DENND1B: variants seen among roughly 807,000 people sequenced by gnomAD.
The protein encoded by DENND1B is DENN domain-containing protein 1B.
DENND1B carries 59 observed loss-of-function variants against 90.1 expected under a neutral mutation model. That is an observed-to-expected ratio of 0.65 (90% CI 0.53 to 0.81). The LOEUF is 0.81. DENND1B is among the 40% of genes least tolerant of loss of function. DENND1B has a pLI of 0.00. For synonymous variants in DENND1B, 337 were observed against 324.6 expected (o/e 1.04, Z -0.41); for missense variants, 862 against 912.6 (o/e 0.94, Z 0.71).
At position 197,560,453 on chromosome 1, in the gene DENND1B, A is replaced by C. The variant is rs11802964; in HGVS notation, c.1150-7341T>G. ...GTTAGAGAATAAGATAGACTTCCTA[A>C]GGGAAGTTAGGAAATCTAGGGCAAG... On this transcript the variant is annotated intron_variant, in intron 15 of 22. Coordinates refer to ENST00000620048, the MANE Select transcript of DENND1B (RefSeq NM_001195215.2). Among the ~76,000 whole-genome samples the C allele has an allele frequency of 5.9e-3, 897 of 152,016 alleles. 13 individuals carry two copies. Among genetic ancestry groups the C allele is most frequent in the African/African-American group, 0.02 (840 of 41,524 alleles).
At chr1:197,709,918 G>A (rs1282517492) in intron 3 of DENND1B, among the ~76,000 whole-genome samples, 1 of 104,906 alleles carries the variant, frequency 9.5e-6, no homozygotes, top group African/African-American at 4.2e-5. Context: ...AAAAAGGCAG[G>A]GGTTGCAATC....
intron 16 of DENND1B, 100 bp downstream of exon 16, chr1:197,552,922 T>C: frequency 6.6e-7 from 1 of 1,524,742 alleles, no homozygotes. Context: ...TAGGAGGAAA[T>C]CATTAGTTGT....
chr1:197,541,634 G>C (rs547602628), intron 18 of DENND1B, among the ~76,000 whole-genome samples: 59 of 152,256 alleles, frequency 3.9e-4, no homozygotes, highest in African/African-American at 1.4e-3. Flanking sequence ...AAGACAACTG[G>C]GGGCTTTCAC....
At chr1:197,579,826 A>G (rs764426897) in intron 15 of DENND1B, among the ~76,000 whole-genome samples, 3 of 152,136 alleles carry the variant, frequency 2.0e-5, no homozygotes, top group Non-Finnish European at 4.4e-5. Flanking sequence ...TTTAATTTCA[A>G]TTATTACATG....
intron 2 of DENND1B, among the ~76,000 whole-genome samples, chr1:197,723,498 T>G (rs142393015): frequency 3.2e-4 from 48 of 152,310 alleles, no homozygotes; most frequent in African/African-American, 1.2e-3. Context: ...ATGTTCAATC[T>G]TGATTAATCT....
intron 7 of DENND1B, among the ~76,000 whole-genome samples, chr1:197,651,262 GAAGA>G (rs1472023333): frequency 6.6e-6 from 1 of 151,878 alleles, no homozygotes; most frequent in African/African-American, 2.4e-5. Context: ...CCAAAACCAT[GAAGA>G]AATTAATAAA....
intron 20 of DENND1B, among the ~76,000 whole-genome samples, chr1:197,538,033 GA>G (rs888733582): frequency 6.6e-6 from 1 of 151,986 alleles, no homozygotes; most frequent in Non-Finnish European, 1.5e-5. Context: ...AACTTGTAAT[GA>G]AAAATAAATT....
chr1:197,750,462 A>G (rs1281840825), intron 2 of DENND1B, among the ~76,000 whole-genome samples: 2 of 152,174 alleles, frequency 1.3e-5, no homozygotes, highest in Admixed American at 6.5e-5. Context: ...CATAAAACAA[A>G]TAAGATAATG....
chr1:197,733,064 G>A (rs775566496), intron 2 of DENND1B, among the ~76,000 whole-genome samples: 5 of 151,922 alleles, frequency 3.3e-5, no homozygotes, highest in Non-Finnish European at 7.4e-5. Flanking sequence ...CAAGGAAATT[G>A]GGGAAAAAAA....
At chr1:197,570,838 AATTT>A (rs1194024569) in intron 15 of DENND1B, among the ~76,000 whole-genome samples, 2 of 152,144 alleles carry the variant, frequency 1.3e-5, no homozygotes, top group Admixed American at 6.5e-5. Context: ...ATTTGACTGA[AATTT>A]ATTTAGCACC....
At chr1:197,536,083 G>C (rs1244168764) in intron 20 of DENND1B, among the ~76,000 whole-genome samples, 1 of 150,478 alleles carries the variant, frequency 6.6e-6, no homozygotes, top group Non-Finnish European at 1.5e-5. Flanking sequence ...GGACAGAGAG[G>C]GAGAGAGGAA....
At chr1:197,548,890 A>T (rs1044393803) in intron 16 of DENND1B, among the ~76,000 whole-genome samples, 1 of 152,136 alleles carries the variant, frequency 6.6e-6, no homozygotes, top group African/African-American at 2.4e-5. Flanking sequence ...TGTTATGAAA[A>T]CATGGTACAA....
chr1:197,761,560 A>T (rs1655057806), intron 2 of DENND1B, among the ~76,000 whole-genome samples: 1 of 152,178 alleles, frequency 6.6e-6, no homozygotes, highest in Non-Finnish European at 1.5e-5. Context: ...AATTAATTTG[A>T]TGATAATCTT....
intron 2 of DENND1B, among the ~76,000 whole-genome samples, chr1:197,744,894 T>C (rs1487396003): frequency 2.0e-5 from 3 of 152,250 alleles, no homozygotes; most frequent in Non-Finnish European, 4.4e-5. Flanking sequence ...TGCTACAGCT[T>C]CTACATCAGC....
chr1:197,524,456 G>A (rs537276160), intron 20 of DENND1B, among the ~76,000 whole-genome samples: 1 of 152,030 alleles, frequency 6.6e-6, no homozygotes, highest in Non-Finnish European at 1.5e-5. Context: ...CCATCCAAGC[G>A]GCACACTGTT....
intron 15 of DENND1B, among the ~76,000 whole-genome samples, chr1:197,567,655 T>A (rs1360272320): frequency 6.6e-6 from 1 of 152,124 alleles, no homozygotes; most frequent in Non-Finnish European, 1.5e-5. Context: ...CAAGGATGGT[T>A]CAACATTCAC....
chr1:197,618,825 A>G (rs181302029), intron 10 of DENND1B, among the ~76,000 whole-genome samples: 1 of 151,276 alleles, frequency 6.6e-6, no homozygotes, highest in East Asian at 2.0e-4. Context: ...CGTTTTCTCT[A>G]TTATTATACA....
rs1477167167 is a variant in DENND1B at position 197,609,490 on chromosome 1, CAA to C, written c.820-2318_820-2317del. 4.0e-5 allele frequency among the ~76,000 whole-genome samples: 6 copies of C among 150,624 alleles called. No homozygotes were observed. The East Asian group carries it at 1.2e-3, about 29-fold the overall frequency. On this transcript the variant is annotated intron_variant, in intron 12 of 22. Transcript: ENST00000620048. ...CTTTAGTCTGCCTTGAGTTCATCCCCAAAGTCTAGTTTTCAGGCAGAACAAAA... is the reference window on the plus strand; with the variant it reads ...CTTTAGTCTGCCTTGAGTTCATCCCCAGTCTAGTTTTCAGGCAGAACAAAA...
intron 18 of DENND1B, among the ~76,000 whole-genome samples, chr1:197,541,623 A>G (rs1305766996): frequency 6.6e-6 from 1 of 152,204 alleles, no homozygotes; most frequent in African/African-American, 2.4e-5. Flanking sequence ...TAACTTAACT[A>G]AAGACAACTG....
Sources: allele counts gnomAD v4.1 joint callset (sites outside exome capture counted in the v4.1 genomes callset), GRCh38; gene constraint gnomAD v4.1.1; transcripts MANE v1.5; gene names NCBI Gene and HGNC (gene_info 2026-07-23, HGNC 2026-07-21).